Variants in PVT1 observed in about 807,000 individuals in gnomAD.
PVT1 encodes CXCR4/PVT1 fusion.
At chr8:127,835,310 G>A (rs1027468996) in intron 2 of PVT1, among the ~76,000 whole-genome samples, 2 of 152,154 alleles carry the variant, frequency 1.3e-5, no homozygotes, top group Admixed American at 1.3e-4. Context: ...CTTGGATGAA[G>A]CTGGAAACCA....
At chr8:127,882,037 G>T (rs1815473578) in intron 2 of PVT1, among the ~76,000 whole-genome samples, 3 of 152,220 alleles carry the variant, frequency 2.0e-5, no homozygotes, top group Non-Finnish European at 2.9e-5. Flanking sequence ...GCTGTGCCCG[G>T]CTTATTCTTT....
chr8:127,925,259 T>A (rs889456841), intron 3 of PVT1, among the ~76,000 whole-genome samples: 2 of 152,198 alleles, frequency 1.3e-5, no homozygotes, highest in African/African-American at 4.8e-5. Flanking sequence ...ATTGCATTTT[T>A]AAAAATCTAC....
chr8:128,067,896 G>T (rs1398013432), intron 4 of PVT1, among the ~76,000 whole-genome samples: 1 of 151,556 alleles, frequency 6.6e-6, no homozygotes, highest in Non-Finnish European at 1.5e-5. Context: ...TTCATTTTCT[G>T]CCTTTCCTCT....
chr8:128,043,985 C>T (rs1813578762), intron 4 of PVT1, among the ~76,000 whole-genome samples: 2 of 148,974 alleles, frequency 1.3e-5, no homozygotes. Context: ...CACCATCACA[C>T]CCGGTTAATT....
intron 4 of PVT1, among the ~76,000 whole-genome samples, chr8:127,995,464 C>T (rs1563660519): frequency 1.3e-5 from 2 of 152,244 alleles, no homozygotes; most frequent in Non-Finnish European, 2.9e-5. Flanking sequence ...ACACCCCCCA[C>T]ATTATAGGAA....
At chr8:128,059,624 G>A (rs1353952699) in intron 4 of PVT1, among the ~76,000 whole-genome samples, 1 of 152,212 alleles carries the variant, frequency 6.6e-6, no homozygotes, top group Non-Finnish European at 1.5e-5. Flanking sequence ...AGATGACGAG[G>A]GGCAGTAAGG....
At chr8:128,020,776 G>A (rs966417499) in intron 4 of PVT1, among the ~76,000 whole-genome samples, 1 of 152,232 alleles carries the variant, frequency 6.6e-6, no homozygotes, top group Non-Finnish European at 1.5e-5. Flanking sequence ...TATAGTGGCT[G>A]TAGAAAATTA....
In PVT1 at chr8:128,021,290, C is replaced by CTTTTTTTT. The variant is rs11438511; in HGVS notation, n.912+32013_912+32020dup. ...CCAGTCCGATTCCCCAGGACTTGTGCTTTTTTTTTTTTTTTTTTTTTGAGA... is the reference window on the plus strand; with the variant it reads ...CCAGTCCGATTCCCCAGGACTTGTGCTTTTTTTTTTTTTTTTTTTTTTTTTTTTTGAGA... On this transcript the variant is annotated intron_variant and non_coding_transcript_variant, in intron 4 of 10. Coordinates refer to ENST00000651587, the Ensembl canonical transcript of PVT1. Among the ~76,000 whole-genome samples the CTTTTTTTT allele has an allele frequency of 1.8e-3, 145 of 81,138 alleles. 15 individuals are homozygous for CTTTTTTTT. The highest frequency in any genetic ancestry group is 4.7e-3 in the South Asian group (8 of 1,720). 53.2% of individuals were successfully genotyped at this position (81,138 alleles called of 152,430 possible).
chr8:127,977,104 T>C (rs1293116808), intron 3 of PVT1, among the ~76,000 whole-genome samples: 3 of 152,352 alleles, frequency 2.0e-5, no homozygotes, highest in African/African-American at 7.2e-5. Context: ...CAAACTTTAC[T>C]ATCCCTTTCT....
intron 5 of PVT1, among the ~76,000 whole-genome samples, chr8:128,080,120 AT>A (rs1352169606): frequency 6.6e-6 from 1 of 152,104 alleles, no homozygotes; most frequent in Non-Finnish European, 1.5e-5. Flanking sequence ...ACCACAGTTT[AT>A]TTACCCTGTC....
In PVT1 at chr8:127,821,613, A is replaced by T. The variant is rs1246424240; in HGVS notation, n.372+25542A>T. ...ATCACGAGGTCAGAAGATCGAGACC[A>T]TCCTGGCTAACACGGTGAAACCTCA... On this transcript the variant is annotated intron_variant and non_coding_transcript_variant, in intron 2 of 10. Transcript: ENST00000651587. Among the ~76,000 whole-genome samples, 3 of 152,182 alleles carry T rather than the reference A, an allele frequency of 2.0e-5. 1 individual carries two copies. In the South Asian group the frequency reaches 6.2e-4, roughly 32 times the overall value.
chr8:127,853,824 T>C (rs1190025681), intron 2 of PVT1, among the ~76,000 whole-genome samples: 1 of 147,930 alleles, frequency 6.8e-6, no homozygotes, highest in East Asian at 2.0e-4. Context: ...AAAAAAAAAG[T>C]GAATAAAGAG....
chr8:127,914,968 G>C (rs1815964689), intron 3 of PVT1, among the ~76,000 whole-genome samples: 1 of 152,040 alleles, frequency 6.6e-6, no homozygotes, highest in Admixed American at 6.5e-5. Context: ...TAGGGTTACA[G>C]TCATGTGCCA....
At chr8:127,871,553 C>T (rs565427538) in intron 2 of PVT1, among the ~76,000 whole-genome samples, 15 of 152,170 alleles carry the variant, frequency 9.9e-5, no homozygotes, top group Non-Finnish European at 1.6e-4. Context: ...CCACCAGAAT[C>T]GGGTAAAGTA....
At chr8:127,905,816 C>T (rs1487462982) in intron 3 of PVT1, among the ~76,000 whole-genome samples, 2 of 152,234 alleles carry the variant, frequency 1.3e-5, no homozygotes, top group Non-Finnish European at 2.9e-5. Context: ...TCTTTTGTGG[C>T]ATGTGCAAGA....
At chr8:127,863,342 T>C (rs1475431641) in intron 2 of PVT1, among the ~76,000 whole-genome samples, 1 of 152,120 alleles carries the variant, frequency 6.6e-6, no homozygotes, top group Non-Finnish European at 1.5e-5. Context: ...GAACTCCTGA[T>C]CTCATGATCT....
At chr8:127,824,099 C>T (rs1015553239) in intron 2 of PVT1, among the ~76,000 whole-genome samples, 5 of 152,032 alleles carry the variant, frequency 3.3e-5, no homozygotes, top group Non-Finnish European at 5.9e-5. Context: ...GAGGATTGCT[C>T]GAGCCCAGGA....
intron 2 of PVT1, among the ~76,000 whole-genome samples, chr8:127,858,805 CTTT>C (rs35886687): frequency 1.5e-3 from 71 of 47,306 alleles, no homozygotes; most frequent in African/African-American, 5.6e-3. Context: ...CTTGAAGATT[CTTT>C]TTTTTTTTTT....
At chr8:127,860,540 G>A (rs544487457) in intron 2 of PVT1, among the ~76,000 whole-genome samples, 221 of 152,098 alleles carry the variant, frequency 1.5e-3, no homozygotes, top group African/African-American at 5.2e-3. Flanking sequence ...CAAGGTGGGC[G>A]GATCACAAGG....
Sources: gnomAD v4.1 joint callset for allele counts (sites outside exome capture counted in the v4.1 genomes callset) on GRCh38, gnomAD v4.1.1 for gene constraint, MANE v1.5 for transcripts, NCBI Gene and HGNC (gene_info 2026-07-23, HGNC 2026-07-21) for gene names.